Variants in AFF3 observed in about 807,000 individuals in gnomAD.
The protein encoded by AFF3 is AF4/FMR2 family member 3.
A neutral mutation model predicts 129.7 loss-of-function variants in AFF3; 32 were observed. The observed-to-expected ratio is 0.25, with a 90% CI of 0.19 to 0.33. AFF3 has a LOEUF of 0.33. Among genes scored for constraint, AFF3 ranks in the 10% least tolerant of loss-of-function variants. The pLI is 1.00. For missense variants in AFF3, 1,373 were observed against 1,592.0 expected (o/e 0.86, Z 2.34); for synonymous variants, 644 against 635.4 (o/e 1.01, Z -0.20).
intron 13 of AFF3, among the ~76,000 whole-genome samples, chr2:99,636,213 AG>A (rs1683638825): frequency 6.6e-6 from 1 of 152,170 alleles, no homozygotes; most frequent in Admixed American, 6.5e-5. Flanking sequence ...AAGTAAGATG[AG>A]GAACTGTGGC....
At chr2:99,866,763 G>C (rs1231920166) in intron 7 of AFF3, among the ~76,000 whole-genome samples, 1 of 151,934 alleles carries the variant, frequency 6.6e-6, no homozygotes, top group Non-Finnish European at 1.5e-5. Flanking sequence ...GATCACCTGA[G>C]GTCAGGAGTT....
chr2:99,631,842 C>T (rs1323113117), intron 13 of AFF3, among the ~76,000 whole-genome samples: 2 of 152,098 alleles, frequency 1.3e-5, no homozygotes, highest in African/African-American at 4.8e-5. Context: ...CAAGTCTCTG[C>T]TTTCAATTCT....
chr2:99,817,575 T>A (rs1396626205), intron 8 of AFF3, among the ~76,000 whole-genome samples: 1 of 152,202 alleles, frequency 6.6e-6, no homozygotes, highest in African/African-American at 2.4e-5. Context: ...TTTTTAGAGA[T>A]GGAGTCTTAC....
chr2:99,894,256 A>C (rs1030337773), intron 7 of AFF3, among the ~76,000 whole-genome samples: 1 of 151,948 alleles, frequency 6.6e-6, no homozygotes, highest in Admixed American at 6.6e-5. Context: ...ATTTATGGCT[A>C]CATGTGCATC....
chr2:100,018,394 T>C (rs1036655809), intron 4 of AFF3, among the ~76,000 whole-genome samples: 1 of 152,132 alleles, frequency 6.6e-6, no homozygotes, highest in Non-Finnish European at 1.5e-5. Flanking sequence ...CTGTTTCAAA[T>C]CTCTCTCGTA....
At chr2:100,048,840 C>T (rs953402411) in intron 4 of AFF3, among the ~76,000 whole-genome samples, 4 of 152,122 alleles carry the variant, frequency 2.6e-5, no homozygotes, top group Admixed American at 6.6e-5. Flanking sequence ...TTGATGTTCA[C>T]GCTCACAAAT....
At chr2:99,859,594 G>T (rs1170742746) in intron 7 of AFF3, among the ~76,000 whole-genome samples, 1 of 152,128 alleles carries the variant, frequency 6.6e-6, no homozygotes, top group African/African-American at 2.4e-5. Context: ...AAATGCATTT[G>T]TTTATTCCTA....
At chr2:99,990,821 A>C (rs1188987610) in intron 7 of AFF3, among the ~76,000 whole-genome samples, 1 of 152,238 alleles carries the variant, frequency 6.6e-6, no homozygotes, top group African/African-American at 2.4e-5. Context: ...AAAAGAATCC[A>C]AGACGATTCC....
chr2:99,816,791 A>T (rs73964319), intron 8 of AFF3, among the ~76,000 whole-genome samples: 1 of 151,968 alleles, frequency 6.6e-6, no homozygotes, highest in Admixed American at 6.5e-5. Flanking sequence ...CTTTCTCCAG[A>T]TATACCGTAA....
intron 13 of AFF3, among the ~76,000 whole-genome samples, chr2:99,616,711 G>A (rs778241787): frequency 5.9e-4 from 89 of 152,136 alleles, no homozygotes; most frequent in African/African-American, 1.3e-3. Flanking sequence ...AGCCGAGATC[G>A]CGCCACTGCA....
chr2:100,011,116 T>A (rs1447119257), intron 4 of AFF3, among the ~76,000 whole-genome samples: 6 of 151,810 alleles, frequency 4.0e-5, no homozygotes, highest in African/African-American at 1.5e-4. Context: ...CTACTAAAAA[T>A]ACAAAAAATT....
intron 2 of AFF3, among the ~76,000 whole-genome samples, chr2:100,118,127 T>C (rs780569756): frequency 5.3e-5 from 8 of 152,244 alleles, no homozygotes; most frequent in Non-Finnish European, 1.2e-4. Flanking sequence ...GGTGCTGTAA[T>C]TCTTTACTCA....
chr2:99,728,246 C>T (rs978566244), intron 10 of AFF3, among the ~76,000 whole-genome samples: 5 of 152,156 alleles, frequency 3.3e-5, no homozygotes, highest in African/African-American at 9.7e-5. Flanking sequence ...TAACTGAGAG[C>T]GTGGGCTCGT....
chr2:99,594,346 A>G (rs942077335), intron 14 of AFF3, 57 bp from the exon 15 acceptor site: 6 of 1,548,186 alleles, frequency 3.9e-6, no homozygotes, highest in Non-Finnish European at 5.2e-6. Flanking sequence ...CTCACTTAAA[A>G]GGGGCCTGGC....
chr2:99,554,793 T>G, intron 22 of AFF3, 61 bp from the exon 23 acceptor site: 2 of 1,593,748 alleles, frequency 1.3e-6, no homozygotes, highest in Non-Finnish European at 1.7e-6. Flanking sequence ...ACAGGTGACA[T>G]GAACGTGTTT....
chr2:100,106,306 C>T, intron 2 of AFF3: 1 of 1,165,506 alleles, frequency 8.6e-7, no homozygotes, highest in Non-Finnish European at 1.1e-6. Context: ...CCTCAAAAAC[C>T]CCTCTCATTA....
In AFF3 at chr2:99,551,449, C is replaced by T; in HGVS notation, c.*25G>A. 6.2e-7 allele frequency: 1 copy of T among 1,613,374 alleles called. No homozygotes were observed. The highest frequency in any genetic ancestry group is 1.1e-5 in the South Asian group (1 of 90,990). Reference sequence around the variant, plus strand: ...TTGAGCCATCTGTGGAGACCAGAGCCCACTCTGGCCCCAGGGTGAGGTCCC... The same window carrying T: ...TTGAGCCATCTGTGGAGACCAGAGCTCACTCTGGCCCCAGGGTGAGGTCCC... On this transcript the variant is annotated 3_prime_UTR_variant, in exon 25 of 25. Transcript: ENST00000672756.
At chr2:100,051,399 C>T (rs913989489) in intron 4 of AFF3, among the ~76,000 whole-genome samples, 3 of 152,186 alleles carry the variant, frequency 2.0e-5, no homozygotes, top group African/African-American at 7.2e-5. Flanking sequence ...ATCAGCAGCT[C>T]AGCAGCTTTC....
chr2:99,588,255 C>T lies in AFF3; in HGVS notation c.2467-977G>A, dbSNP rs369105461. 9.9e-5 allele frequency among the ~76,000 whole-genome samples: 15 copies of T among 152,204 alleles called. No individual in the cohort carries two copies. In the South Asian group the frequency reaches 1.2e-3, roughly 13 times the overall value. Reference sequence around the variant, plus strand: ...GCAGTGGTGCGATCATGGCTCACTGCAGCCTCGACCTCCCAGGCTCAGGTG... The same window carrying T: ...GCAGTGGTGCGATCATGGCTCACTGTAGCCTCGACCTCCCAGGCTCAGGTG... On this transcript the variant is annotated intron_variant, in intron 15 of 24. Transcript: ENST00000672756.
Sources: gnomAD v4.1 joint callset for allele counts (sites outside exome capture counted in the v4.1 genomes callset) on GRCh38, gnomAD v4.1.1 for gene constraint, MANE v1.5 for transcripts, NCBI Gene and HGNC (gene_info 2026-07-23, HGNC 2026-07-21) for gene names.